The following BANK1 variants were observed in gnomAD, a reference collection of about 807,000 sequenced individuals.
BANK1 encodes the protein B-cell scaffold protein with ankyrin repeats.
Under a neutral mutation model 94.5 loss-of-function variants are expected in BANK1, and 95 were observed. The observed-to-expected ratio is 1.00, with a 90% CI of 0.85 to 1.19. The LOEUF (loss-of-function observed/expected upper bound fraction) is 1.19, where lower values mean the gene tolerates loss of function less well. Ranked by LOEUF, BANK1 falls within the 50% of genes most tolerant of loss-of-function variation. The pLI is 0.00. For synonymous variants in BANK1, 334 were observed against 308.4 expected (o/e 1.08, Z -0.87); for missense variants, 987 against 932.2 (o/e 1.06, Z -0.77).
At chr4:101,796,911 G>T (rs189978654) in intron 1 of BANK1, among the ~76,000 whole-genome samples, 83 of 152,176 alleles carry the variant, frequency 5.5e-4, no homozygotes, top group African/African-American at 1.9e-3. Context: ...AGAGTAAGAT[G>T]AGATATAAAA....
intron 1 of BANK1, among the ~76,000 whole-genome samples, chr4:101,815,538 A>T (rs1180765698): frequency 6.6e-6 from 1 of 152,130 alleles, no homozygotes; most frequent in Non-Finnish European, 1.5e-5. Flanking sequence ...ACCAACATCC[A>T]CTAAGTAATT....
At chr4:101,980,934 C>A (rs775504779) in intron 7 of BANK1, among the ~76,000 whole-genome samples, 3 of 152,046 alleles carry the variant, frequency 2.0e-5, no homozygotes, top group African/African-American at 4.8e-5. Context: ...CTGCTACTGG[C>A]ATCTTACTAA....
In BANK1 at chr4:101,947,343, A is replaced by C. The variant is rs942606222; in HGVS notation, c.1206+29154A>C. On this transcript the variant is annotated intron_variant, in intron 7 of 16. Coordinates refer to ENST00000322953, the MANE Select transcript of BANK1 (RefSeq NM_017935.5). ...TGTATTATGTATTATATTCTTCATC[A>C]TATTCAGGAGTGACACTCTTCATCT... Among the ~76,000 whole-genome samples, 10 of 136,100 alleles carry C rather than the reference A, an allele frequency of 7.3e-5. No homozygotes were observed. In the South Asian group the frequency reaches 2.6e-3, roughly 35 times the overall value. The allele number at this position is 136,100 out of a possible 152,430, so 89.3% of individuals were successfully genotyped here.
At chr4:101,921,552 T>C (rs1353977182) in intron 7 of BANK1, among the ~76,000 whole-genome samples, 1 of 151,924 alleles carries the variant, frequency 6.6e-6, no homozygotes, top group African/African-American at 2.4e-5. Flanking sequence ...ATATAAATAA[T>C]ATTTGCTTGT....
intron 6 of BANK1, among the ~76,000 whole-genome samples, chr4:101,901,462 A>G (rs1028953170): frequency 3.3e-5 from 5 of 152,208 alleles, no homozygotes; most frequent in Admixed American, 1.3e-4. Context: ...CATTTGCTGT[A>G]TACCTTTTCC....
intron 1 of BANK1, among the ~76,000 whole-genome samples, chr4:101,818,435 TAG>T (rs886302236): frequency 2.0e-5 from 3 of 152,128 alleles, no homozygotes; most frequent in African/African-American, 7.2e-5. Flanking sequence ...ACTGGCAAAC[TAG>T]AGAGTAAAGC....
intron 7 of BANK1, among the ~76,000 whole-genome samples, chr4:101,951,240 A>T (rs1157176964): frequency 2.0e-5 from 3 of 152,272 alleles, no homozygotes; most frequent in Non-Finnish European, 4.4e-5. Context: ...TTTTCTGTGA[A>T]TCTTAAATTA....
At position 101,901,745 on chromosome 4, in the gene BANK1, G is replaced by A. The variant is rs1722291212; in HGVS notation, c.1009+6335G>A. Among the ~76,000 whole-genome samples the A allele has an allele frequency of 3.9e-5, 5 of 128,364 alleles. No homozygotes were observed. The South Asian group carries it at 1.3e-3, about 34-fold the overall frequency. 84.2% of individuals were successfully genotyped at this position (128,364 alleles called of 152,430 possible). A position where few individuals can be genotyped will look rare whatever the true frequency, so the allele number is the denominator to read the frequency against. ...GAAGTAGTTGGCTGCATTATCTCCA[G>A]ACGCTTTTTGTTTTTTTGTTTTTGT... is the stretch of plus-strand genomic sequence containing the variant. On this transcript the variant is annotated intron_variant, in intron 6 of 16. Coordinates refer to ENST00000322953, the MANE Select transcript of BANK1 (RefSeq NM_017935.5).
intron 7 of BANK1, among the ~76,000 whole-genome samples, chr4:101,982,309 C>T (rs909119381): frequency 1.3e-5 from 2 of 151,666 alleles, no homozygotes; most frequent in Admixed American, 1.3e-4. Flanking sequence ...AGAACTTTAA[C>T]AACCCATATA....
Position 102,074,674 on chromosome 4 carries a change from A to C in BANK1, c.*675A>C, listed in dbSNP as rs2148969469. On this transcript the variant is annotated 3_prime_UTR_variant, in exon 17 of 17. Transcript: ENST00000322953. ...AAACAATTTACTAGCTTAGAATAGA[A>C]AGCAATGTTATCGTCATATAATTTT... 2 of 152,188 alleles carry C rather than the reference A, an allele frequency of 1.3e-5. 1 individual carries two copies. Among genetic ancestry groups the C allele is most frequent in the South Asian group, 4.1e-4 (2 of 4,820 alleles). 9.4% of individuals were successfully genotyped at this position (152,188 alleles called of 1,614,324 possible).
chr4:102,067,982 T>A (rs1300453038), intron 13 of BANK1, among the ~76,000 whole-genome samples: 1 of 152,128 alleles, frequency 6.6e-6, no homozygotes, highest in African/African-American at 2.4e-5. Flanking sequence ...GAATCTTATA[T>A]TCTCTTACCA....
At chr4:101,881,057 C>CAA (rs1382783320) in intron 5 of BANK1, among the ~76,000 whole-genome samples, 1 of 151,878 alleles carries the variant, frequency 6.6e-6, no homozygotes, top group Non-Finnish European at 1.5e-5. Context: ...GCAACCAAAG[C>CAA]AAAAACGGAC....
chr4:102,018,077 C>T (rs1185110550), intron 7 of BANK1, among the ~76,000 whole-genome samples: 1 of 152,114 alleles, frequency 6.6e-6, no homozygotes, highest in Admixed American at 6.5e-5. Flanking sequence ...AGAACTAAGA[C>T]ATTACTCTCC....
At chr4:101,958,680 G>A (rs933152138) in intron 7 of BANK1, among the ~76,000 whole-genome samples, 1 of 152,176 alleles carries the variant, frequency 6.6e-6, no homozygotes, top group African/African-American at 2.4e-5. Flanking sequence ...GATGAGCTAA[G>A]CATGTGGACA....
chr4:102,026,595 G>T (rs141805712), intron 9 of BANK1, among the ~76,000 whole-genome samples: 1 of 152,150 alleles, frequency 6.6e-6, no homozygotes, highest in South Asian at 2.1e-4. Context: ...TTGGGAGGCC[G>T]AGGCAGGCGA....
In BANK1 at chr4:101,895,292, C is replaced by A; in HGVS notation, c.904-13C>A. 1 of 1,483,610 alleles carries A rather than the reference C, an allele frequency of 6.7e-7. No individual in the cohort carries two copies. The highest frequency in any genetic ancestry group is 9.1e-7 in the Non-Finnish European group (1 of 1,102,584). The allele number at this position is 1,483,610 out of a possible 1,614,324, so 91.9% of individuals were successfully genotyped here. On this transcript the variant is annotated splice_polypyrimidine_tract_variant and intron_variant, in intron 5 of 16. Coordinates refer to ENST00000322953, the MANE Select transcript of BANK1 (RefSeq NM_017935.5). The stretch of plus-strand genomic sequence containing the variant: ...TTAACCTAGTGAAAATTTTCTTTTT[C>A]ACTTGAAAACAGAATAGCATTGAAG...
At chr4:101,799,656 C>T (rs1337552905) in intron 1 of BANK1, among the ~76,000 whole-genome samples, 18 of 152,100 alleles carry the variant, frequency 1.2e-4, no homozygotes, top group Admixed American at 2.6e-4. Context: ...GGGCGGATCA[C>T]GAGGTCAGGA....
At chr4:101,955,920 G>T (rs1357423210) in intron 7 of BANK1, among the ~76,000 whole-genome samples, 3 of 152,082 alleles carry the variant, frequency 2.0e-5, no homozygotes, top group African/African-American at 2.4e-5. Context: ...TGTTGTGGAG[G>T]TTAAATGAAA....
chr4:101,881,963 AT>A (rs1179495971), intron 5 of BANK1, among the ~76,000 whole-genome samples: 1 of 152,090 alleles, frequency 6.6e-6, no homozygotes, highest in East Asian at 1.9e-4. Context: ...GGGATGGTTA[AT>A]GGGTCCAAAA....
Sources: gnomAD v4.1 joint callset for allele counts (sites outside exome capture counted in the v4.1 genomes callset) on GRCh38, gnomAD v4.1.1 for gene constraint, MANE v1.5 for transcripts, NCBI Gene and HGNC (gene_info 2026-07-23, HGNC 2026-07-21) for gene names.